PLXNA4: variants seen among roughly 807,000 people sequenced by gnomAD.
PLXNA4 encodes the protein plexin A4.
In PLXNA4, 44 loss-of-function variants were observed where a neutral mutation model predicts 191.8. That is an observed-to-expected ratio of 0.23 (90% CI 0.18 to 0.29). The LOEUF (loss-of-function observed/expected upper bound fraction) is 0.29, where lower values mean the gene tolerates loss of function less well. Among genes scored for constraint, PLXNA4 ranks in the 10% least tolerant of loss-of-function variants. The probability of loss-of-function intolerance (pLI) is 1.00; values close to 1 mark genes in which losing one functional copy is unlikely to be tolerated. For missense variants in PLXNA4, 1,800 were observed against 2,488.8 expected (o/e 0.72, Z 5.89); for synonymous variants, 1,082 against 1,009.5 (o/e 1.07, Z -1.36).
intron 1 of PLXNA4, among the ~76,000 whole-genome samples, chr7:132,564,589 G>A (rs888118804): frequency 6.6e-6 from 1 of 152,192 alleles, no homozygotes; most frequent in Non-Finnish European, 1.5e-5. Context: ...CCTGCTGACA[G>A]AAGTAGGTCT....
chr7:132,250,710 G>A (rs2117077644), intron 4 of PLXNA4, among the ~76,000 whole-genome samples: 1 of 152,338 alleles, frequency 6.6e-6, no homozygotes, highest in Admixed American at 6.5e-5. Flanking sequence ...TGGGGGATGA[G>A]AGGAGTGTTC....
chr7:132,557,929 G>A (rs1800873255), intron 1 of PLXNA4, among the ~76,000 whole-genome samples: 1 of 141,294 alleles, frequency 7.1e-6, no homozygotes, highest in South Asian at 2.1e-4. Context: ...TTAAGGTAGG[G>A]AGAGAGAGAG....
chr7:132,152,580 A>G (rs1795677281), intron 25 of PLXNA4, among the ~76,000 whole-genome samples: 1 of 152,164 alleles, frequency 6.6e-6, no homozygotes, highest in Non-Finnish European at 1.5e-5. Context: ...GTCACTAAAA[A>G]TATCTCTCTT....
intron 3 of PLXNA4, among the ~76,000 whole-genome samples, chr7:132,357,605 C>T (rs116345408): frequency 2.9e-4 from 44 of 152,274 alleles, no homozygotes; most frequent in African/African-American, 9.4e-4. Flanking sequence ...AGATAGGATC[C>T]GCTGGAGCCT....
At chr7:132,295,904 T>C (rs534137742) in intron 4 of PLXNA4, among the ~76,000 whole-genome samples, 30 of 152,354 alleles carry the variant, frequency 2.0e-4, no homozygotes, top group Admixed American at 1.6e-3. Flanking sequence ...AACTATCTGA[T>C]ATTATTGTCA....
At position 132,484,967 on chromosome 7, in the gene PLXNA4, C is replaced by G. The variant is rs772272627; in HGVS notation, c.1371+4325G>C. 1.9e-6 allele frequency: 3 copies of G among 1,614,160 alleles called. No individual in the cohort carries two copies. In the South Asian group the frequency reaches 3.3e-5, roughly 18 times the overall value. ...CGCCCCAGGTGGGTCTCCCTCCACTCCAATCCACTCCTGGGTGATTCCCCC... is the reference window on the plus strand; with the variant it reads ...CGCCCCAGGTGGGTCTCCCTCCACTGCAATCCACTCCTGGGTGATTCCCCC... On this transcript the variant is annotated intron_variant, in intron 3 of 31. Coordinates refer to ENST00000321063, the MANE Select transcript of PLXNA4 (RefSeq NM_020911.2).
chr7:132,133,251 G>A (rs537269056), intron 30 of PLXNA4, 52 bp from the exon 31 acceptor site: 1 of 1,593,954 alleles, frequency 6.3e-7, no homozygotes, highest in East Asian at 2.2e-5. Flanking sequence ...ACGGAGTAGA[G>A]GAGAGATGGA....
intron 1 of PLXNA4, among the ~76,000 whole-genome samples, chr7:132,519,068 A>T (rs1248656752): frequency 1.3e-5 from 2 of 152,230 alleles, no homozygotes; most frequent in Non-Finnish European, 2.9e-5. Flanking sequence ...CTTTACTCCA[A>T]GTGTGGCAGC....
chr7:132,174,541 A>G (rs990289077), intron 21 of PLXNA4, among the ~76,000 whole-genome samples: 1 of 152,118 alleles, frequency 6.6e-6, no homozygotes, highest in African/African-American at 2.4e-5. Flanking sequence ...TTCAATTCTG[A>G]AAGGGCTCCA....
intron 28 of PLXNA4, among the ~76,000 whole-genome samples, chr7:132,145,758 C>T (rs1584760579): frequency 2.0e-5 from 3 of 151,876 alleles, no homozygotes; most frequent in African/African-American, 7.3e-5. Flanking sequence ...CAAGCAACGT[C>T]CCCAGAACCA....
chr7:132,401,979 T>C (rs891538208), intron 3 of PLXNA4, among the ~76,000 whole-genome samples: 21 of 152,304 alleles, frequency 1.4e-4, no homozygotes, highest in African/African-American at 4.1e-4. Context: ...GTCCTTGTCA[T>C]GGTTCATGTC....
Position 132,130,473 on chromosome 7 carries a change from C to CGGTTCTCAGCTGTCTAAGCTCATGAG in PLXNA4, c.5665_*5dup. 6.2e-7 allele frequency: 1 copy of CGGTTCTCAGCTGTCTAAGCTCATGAG among 1,614,090 alleles called. No homozygotes were observed. The highest frequency in any genetic ancestry group is 1.1e-5 in the South Asian group (1 of 91,068). On this transcript the variant is annotated 3_prime_UTR_variant, in exon 32 of 32. Transcript: ENST00000321063. ...CCCCTCCAGGGCGGCCCTGGAAGGA[C>CGGTTCTCAGCTGTCTAAGCTCATGAG]GGTTCTCAGCTGTCTAAGCTCATGA...
intron 3 of PLXNA4, among the ~76,000 whole-genome samples, chr7:132,424,775 T>C (rs935167863): frequency 2.6e-5 from 4 of 152,198 alleles, no homozygotes; most frequent in South Asian, 4.1e-4. Flanking sequence ...AAACATCACA[T>C]TATATAATCA....
chr7:132,208,119 A>G (rs761006397), intron 10 of PLXNA4, among the ~76,000 whole-genome samples: 6 of 152,196 alleles, frequency 3.9e-5, no homozygotes, highest in Non-Finnish European at 7.3e-5. Flanking sequence ...AAGATATTTG[A>G]TGGAAATTGC....
chr7:132,244,225 G>A (rs2117050011), intron 4 of PLXNA4, among the ~76,000 whole-genome samples: 1 of 152,150 alleles, frequency 6.6e-6, no homozygotes, highest in East Asian at 1.9e-4. Context: ...TGAGGAACTG[G>A]GCGCGTTAGG....
chr7:132,495,215 G>T (rs1797965143), intron 2 of PLXNA4, among the ~76,000 whole-genome samples: 1 of 152,152 alleles, frequency 6.6e-6, no homozygotes, highest in African/African-American at 2.4e-5. Context: ...CCCCGGCCCT[G>T]GCTTGCCCCA....
chr7:132,375,490 C>G (rs1804624447), intron 3 of PLXNA4, among the ~76,000 whole-genome samples: 1 of 152,112 alleles, frequency 6.6e-6, no homozygotes. Flanking sequence ...CACTGGAGAC[C>G]CAAAGACAAA....
intron 3 of PLXNA4, among the ~76,000 whole-genome samples, chr7:132,347,323 T>A (rs1803282885): frequency 6.6e-6 from 1 of 152,124 alleles, no homozygotes; most frequent in Non-Finnish European, 1.5e-5. Context: ...TGCGTCTCCA[T>A]GACAACCACC....
intron 1 of PLXNA4, among the ~76,000 whole-genome samples, chr7:132,525,849 G>T (rs979222612): frequency 1.3e-5 from 2 of 152,226 alleles, no homozygotes; most frequent in Non-Finnish European, 2.9e-5. Flanking sequence ...GAGCCATGAT[G>T]CATGTCAGCT....
Sources: allele counts gnomAD v4.1 joint callset (sites outside exome capture counted in the v4.1 genomes callset), GRCh38; gene constraint gnomAD v4.1.1; transcripts MANE v1.5; gene names NCBI Gene and HGNC (gene_info 2026-07-23, HGNC 2026-07-21).